The following PSMB7 variants were observed in gnomAD, a reference collection of about 807,000 sequenced individuals.
The protein encoded by PSMB7 is proteasome subunit beta type-7.
A neutral mutation model predicts 28.1 loss-of-function variants in PSMB7; 5 were observed. The ratio of observed to expected loss-of-function variants is 0.18; its 90% confidence interval spans 0.09 to 0.37. The LOEUF (loss-of-function observed/expected upper bound fraction) is 0.37, where lower values mean the gene tolerates loss of function less well. PSMB7 is among the 10% of genes least tolerant of loss of function. The pLI is 1.00. For synonymous variants in PSMB7, 122 were observed against 123.7 expected (o/e 0.99, Z 0.09); for missense variants, 275 against 346.2 (o/e 0.79, Z 1.63).
chr9:124,400,557 T>C (rs1415578904), intron 5 of PSMB7, among the ~76,000 whole-genome samples: 1 of 152,198 alleles, frequency 6.6e-6, no homozygotes, highest in Non-Finnish European at 1.5e-5. Context: ...GTGGAAGGGA[T>C]GGCAGGAAGG....
At chr9:124,407,147 A>G (rs1260003396) in intron 4 of PSMB7, among the ~76,000 whole-genome samples, 1 of 152,222 alleles carries the variant, frequency 6.6e-6, no homozygotes, top group Non-Finnish European at 1.5e-5. Context: ...ACTGACACAT[A>G]CTGAATTTGC....
At chr9:124,357,959 C>T (rs939112787) in intron 6 of PSMB7, among the ~76,000 whole-genome samples, 1 of 152,186 alleles carries the variant, frequency 6.6e-6, no homozygotes, top group African/African-American at 2.4e-5. Context: ...CAGGCAGCAA[C>T]GGCAGTGGTA....
intron 4 of PSMB7, among the ~76,000 whole-genome samples, chr9:124,408,598 C>T (rs981163783): frequency 1.3e-5 from 2 of 152,114 alleles, no homozygotes; most frequent in African/African-American, 4.8e-5. Flanking sequence ...AGAGTACACA[C>T]AAACATTTTT....
chr9:124,403,732 T>G (rs1037300287), intron 5 of PSMB7, among the ~76,000 whole-genome samples: 2 of 151,938 alleles, frequency 1.3e-5, no homozygotes, highest in Non-Finnish European at 2.9e-5. Context: ...GAGGTTCAGA[T>G]AGAAATCAAA....
intron 6 of PSMB7, among the ~76,000 whole-genome samples, chr9:124,380,769 T>C (rs1385524911): frequency 6.6e-6 from 1 of 152,176 alleles, no homozygotes; most frequent in Non-Finnish European, 1.5e-5. Context: ...TCTGTGCACT[T>C]TATTATATGT....
At chr9:124,400,769 C>T (rs1017807659) in intron 5 of PSMB7, among the ~76,000 whole-genome samples, 4 of 151,972 alleles carry the variant, frequency 2.6e-5, no homozygotes, top group African/African-American at 4.8e-5. Flanking sequence ...GAAACGTGTA[C>T]ACCTTAATCC....
chr9:124,373,703 C>T (rs1830583784), intron 6 of PSMB7, among the ~76,000 whole-genome samples: 1 of 152,096 alleles, frequency 6.6e-6, no homozygotes, highest in Non-Finnish European at 1.5e-5. Context: ...AGGATGACTA[C>T]AATCCAAAGG....
chr9:124,398,616 G>C, intron 5 of PSMB7: 1 of 172,382 alleles, frequency 5.8e-6, no homozygotes, highest in South Asian at 1.3e-4. Context: ...ATGCAGGACA[G>C]AGAACCTATG....
Position 124,379,140 on chromosome 9 carries a change from C to T in PSMB7, c.570+5458G>A, listed in dbSNP as rs534449771. On this transcript the variant is annotated intron_variant, in intron 6 of 7. Transcript: ENST00000259457. Reference sequence around the variant, plus strand: ...CATTGGTACAGTGTCTGAATAAGCACCTTCACTGATAAAAATAAAGCACGA... The same window carrying T: ...CATTGGTACAGTGTCTGAATAAGCATCTTCACTGATAAAAATAAAGCACGA... Among the ~76,000 whole-genome samples, 18 of 152,278 alleles carry T rather than the reference C, an allele frequency of 1.2e-4. No individual in the cohort carries two copies. The South Asian group carries it at 3.7e-3, about 32-fold the overall frequency.
intron 6 of PSMB7, among the ~76,000 whole-genome samples, chr9:124,379,003 A>C (rs952189612): frequency 2.6e-5 from 4 of 152,172 alleles, no homozygotes; most frequent in Non-Finnish European, 4.4e-5. Context: ...GAGAAGAAAA[A>C]ATCTGGGGGA....
intron 5 of PSMB7, among the ~76,000 whole-genome samples, chr9:124,403,307 C>T (rs981909861): frequency 2.0e-5 from 3 of 151,880 alleles, no homozygotes; most frequent in Admixed American, 2.0e-4. Flanking sequence ...GGCAGATCAC[C>T]TGAGCCCAGG....
chr9:124,415,141 G>A (rs962336678), intron 1 of PSMB7: 3 of 630,554 alleles, frequency 4.8e-6, no homozygotes, highest in Admixed American at 2.9e-5. Flanking sequence ...CTTAGGAGAC[G>A]GAGATAAACG....
In PSMB7 at chr9:124,398,602, C is replaced by T. The variant is rs115019147; in HGVS notation, c.511+6715G>A. 1,092 of 180,616 alleles carry T rather than the reference C, an allele frequency of 6.0e-3. 14 individuals are homozygous for T. The highest frequency in any genetic ancestry group is 0.025 in the African/African-American group (1,041 of 41,752). The allele number at this position is 180,616 out of a possible 1,614,324, so 11.2% of individuals were successfully genotyped here. On this transcript the variant is annotated intron_variant, in intron 5 of 7. Coordinates refer to ENST00000259457, the MANE Select transcript of PSMB7 (RefSeq NM_002799.4). ...AGGCTGTTTCAGTAAATACTGTTTT[C>T]AACATGCAGGACAGAGAACCTATGC...
chr9:124,403,654 C>T (rs187034490), intron 5 of PSMB7, among the ~76,000 whole-genome samples: 4 of 152,234 alleles, frequency 2.6e-5, no homozygotes, highest in East Asian at 1.9e-4. Flanking sequence ...GCTTTATATA[C>T]GTTATTTCCA....
In PSMB7 at chr9:124,393,896, C is replaced by T. The variant is rs538072975; in HGVS notation, c.512-9240G>A. Among the ~76,000 whole-genome samples, 6 of 152,284 alleles carry T rather than the reference C, an allele frequency of 3.9e-5. No individual in the cohort carries two copies. In the South Asian group the frequency reaches 6.2e-4, roughly 16 times the overall value. On this transcript the variant is annotated intron_variant, in intron 5 of 7. Coordinates refer to ENST00000259457, the MANE Select transcript of PSMB7 (RefSeq NM_002799.4). ...CCTGTTTAGAGGACAAAATGGAGGA[C>T]GAAAATGACCCTAAAATGCACCTAT...
At chr9:124,409,799 G>A (rs1413771568) in intron 4 of PSMB7, among the ~76,000 whole-genome samples, 1 of 152,142 alleles carries the variant, frequency 6.6e-6, no homozygotes, top group Non-Finnish European at 1.5e-5. Context: ...CTGTAGGTGG[G>A]AGATGAACCA....
Position 124,414,010 on chromosome 9 carries a change from T to TAA in PSMB7, c.157-7_157-6dup. Reference sequence around the variant, plus strand: ...TGCTCCAAGAACTATGCCATCCTATTAAAAAAAAAAGTTTTTAAACAATTT... The same window carrying TAA: ...TGCTCCAAGAACTATGCCATCCTATTAAAAAAAAAAAAGTTTTTAAACAATTT... On this transcript the variant is annotated splice_region_variant and splice_polypyrimidine_tract_variant and intron_variant, in intron 2 of 7. Coordinates refer to ENST00000259457, the MANE Select transcript of PSMB7 (RefSeq NM_002799.4). 2.7e-6 allele frequency: 4 copies of TAA among 1,484,280 alleles called. No individual in the cohort carries two copies. The highest frequency in any genetic ancestry group is 3.7e-6 in the Non-Finnish European group (4 of 1,090,564). 91.9% of individuals were successfully genotyped at this position (1,484,280 alleles called of 1,614,324 possible). A position where few individuals can be genotyped will look rare whatever the true frequency, so the allele number is the denominator to read the frequency against.
chr9:124,392,279 C>T (rs1830794863), intron 5 of PSMB7, among the ~76,000 whole-genome samples: 1 of 152,224 alleles, frequency 6.6e-6, no homozygotes, highest in African/African-American at 2.4e-5. Flanking sequence ...ACAACCCATT[C>T]CCAGGTGCCC....
chr9:124,384,723 T>A, intron 5 of PSMB7, 67 bp from the exon 6 acceptor site: 1 of 1,499,096 alleles, frequency 6.7e-7, no homozygotes. Flanking sequence ...CAAGTTTACC[T>A]AGGGGCAAGA....
Sources: gnomAD v4.1 joint callset for allele counts (sites outside exome capture counted in the v4.1 genomes callset) on GRCh38, gnomAD v4.1.1 for gene constraint, MANE v1.5 for transcripts, NCBI Gene and HGNC (gene_info 2026-07-23, HGNC 2026-07-21) for gene names.